Variants in MYO1E observed in about 807,000 individuals in gnomAD.
The protein encoded by MYO1E is unconventional myosin-Ie.
In MYO1E, 68 loss-of-function variants were observed where a neutral mutation model predicts 151.1. That is an observed-to-expected ratio of 0.45 (90% CI 0.37 to 0.55). The LOEUF is 0.55. MYO1E is among the 20% of genes least tolerant of loss of function. The pLI, the probability that MYO1E is intolerant of heterozygous loss-of-function variation, is 0.00. For missense variants in MYO1E, 1,363 were observed against 1,389.3 expected, an observed-to-expected ratio of 0.98 and a Z score of 0.30; for synonymous variants, 601 against 501.7, an observed-to-expected ratio of 1.20 and a Z score of -2.64.
chr15:59,245,137 C>G (rs750321338), intron 4 of MYO1E, among the ~76,000 whole-genome samples: 61 of 152,088 alleles, frequency 4.0e-4, no homozygotes, highest in Non-Finnish European at 6.8e-4. Flanking sequence ...TTGGGTGGAC[C>G]CACAGCAACT....
intron 1 of MYO1E, chr15:59,348,721 T>A (rs1335893691): frequency 6.6e-6 from 1 of 151,770 alleles, no homozygotes; most frequent in Non-Finnish European, 1.5e-5. Flanking sequence ...AACCTCCGGC[T>A]CCCAGGTTCA....
intron 1 of MYO1E, among the ~76,000 whole-genome samples, chr15:59,358,885 C>G (rs574192448): frequency 4.4e-4 from 67 of 152,214 alleles, no homozygotes; most frequent in Non-Finnish European, 7.9e-4. Flanking sequence ...GACTTGTATT[C>G]TAGGGACAAC....
intron 1 of MYO1E, among the ~76,000 whole-genome samples, chr15:59,274,754 A>G (rs1474150049): frequency 6.6e-6 from 1 of 152,170 alleles, no homozygotes; most frequent in African/African-American, 2.4e-5. Context: ...CACTGCACAG[A>G]GACACATTCC....
intron 5 of MYO1E, among the ~76,000 whole-genome samples, chr15:59,234,235 T>TGGATGGAC (rs1263341935): frequency 1.4e-5 from 2 of 141,082 alleles, no homozygotes; most frequent in African/African-American, 5.8e-5. Flanking sequence ...GATGGATGGA[T>TGGATGGAC]GGATGGATGG....
At chr15:59,314,240 T>A (rs1157686265) in intron 1 of MYO1E, among the ~76,000 whole-genome samples, 6 of 152,196 alleles carry the variant, frequency 3.9e-5, no homozygotes, top group African/African-American at 1.4e-4. Context: ...CCCCATCCCC[T>A]GAATATGAAT....
chr15:59,249,825 C>T (rs1255882244), intron 4 of MYO1E, among the ~76,000 whole-genome samples: 1 of 152,188 alleles, frequency 6.6e-6, no homozygotes, highest in Admixed American at 6.5e-5. Flanking sequence ...CCATTCAACT[C>T]GGCCCCTAAC....
At chr15:59,280,510 T>G (rs1412678119) in intron 1 of MYO1E, among the ~76,000 whole-genome samples, 1 of 151,700 alleles carries the variant, frequency 6.6e-6, no homozygotes, top group Non-Finnish European at 1.5e-5. Flanking sequence ...TAATCCCAGC[T>G]ACTCCAGAGG....
Position 59,229,595 on chromosome 15 carries a change from T to G in MYO1E, c.511-2005A>C, listed in dbSNP as rs559203145. Among the ~76,000 whole-genome samples the G allele has an allele frequency of 3.3e-5, 5 of 152,384 alleles. No homozygotes were observed. In the South Asian group the frequency reaches 1.0e-3, roughly 32 times the overall value. On this transcript the variant is annotated intron_variant, in intron 6 of 27. Transcript: ENST00000288235. ...TTTCACCTCGACTCTTGGTAATGAT[T>G]TATTTCCTAAGCTGGGTGCCAGATA... is the stretch of plus-strand genomic sequence containing the variant.
At chr15:59,283,030 TG>T (rs2080366722) in intron 1 of MYO1E, among the ~76,000 whole-genome samples, 1 of 138,176 alleles carries the variant, frequency 7.2e-6, no homozygotes, top group Admixed American at 7.3e-5. Context: ...CTCTCTGAGA[TG>T]CTCAGGGCAT....
rs1324708004 is a variant in MYO1E at position 59,223,063 on chromosome 15, T to C, written c.906A>G (p.Glu302=). The C allele has an allele frequency of 6.2e-7, 1 of 1,614,040 alleles. No individual in the cohort carries two copies. Among genetic ancestry groups the C allele is most frequent in the Admixed American group, 1.7e-5 (1 of 60,016 alleles). Residue 302 remains glutamate (E), a synonymous_variant, in exon 9 of 28, where the codon GAA becomes GAG. Coordinates refer to ENST00000288235, the MANE Select transcript of MYO1E (RefSeq NM_004998.4). ...EVGNYAAVES[E]EFLAFPAYLL... ...CCACATGCCAGGGCTACGCACACTC[T>C]TCACTCTCCACAGCCGCGTAGTTGC...
chr15:59,319,550 C>CTTTTTTTTTTTTTTTTTATTTTTTTTTTT (rs2080611733), intron 1 of MYO1E, among the ~76,000 whole-genome samples: 1 of 63,680 alleles, frequency 1.6e-5, no homozygotes, highest in Non-Finnish European at 3.6e-5. Flanking sequence ...GTCAAACTAC[C>CTTTTTTTTTTTTTTTTTATTTTTTTTTTT]TTTTTTTTTT....
At chr15:59,249,243 G>T (rs545911565) in intron 4 of MYO1E, among the ~76,000 whole-genome samples, 34 of 152,210 alleles carry the variant, frequency 2.2e-4, no homozygotes, top group African/African-American at 8.2e-4. Flanking sequence ...CCAACATGGT[G>T]AAACCCAGTC....
intron 22 of MYO1E, among the ~76,000 whole-genome samples, chr15:59,167,004 T>TCAG (rs2079566722): frequency 6.6e-6 from 1 of 152,180 alleles, no homozygotes; most frequent in South Asian, 2.1e-4. Context: ...ATACCAGGGC[T>TCAG]CAGCACCAGG....
At chr15:59,206,996 C>A (rs756417010) in intron 14 of MYO1E, 6 of 1,614,142 alleles carry the variant, frequency 3.7e-6, no homozygotes, top group South Asian at 1.1e-5. Flanking sequence ...TCGGTGGGAG[C>A]GAATTTCCTA....
intron 26 of MYO1E, among the ~76,000 whole-genome samples, chr15:59,142,936 AAAAAAAG>A: frequency 6.6e-6 from 1 of 151,996 alleles, no homozygotes; most frequent in East Asian, 1.9e-4. Context: ...AAAAAAAAAA[AAAAAAAG>A]GCGTCTAGAT....
intron 1 of MYO1E, among the ~76,000 whole-genome samples, chr15:59,327,239 C>G (rs1048515577): frequency 6.6e-6 from 1 of 152,266 alleles, no homozygotes; most frequent in African/African-American, 2.4e-5. Context: ...CCAGTGCAGC[C>G]GTGGCTCACC....
At chr15:59,283,085 A>AG (rs1329894235) in intron 1 of MYO1E, among the ~76,000 whole-genome samples, 2 of 150,176 alleles carry the variant, frequency 1.3e-5, no homozygotes, top group East Asian at 2.0e-4. Flanking sequence ...CCCTCATCCC[A>AG]GGGAGACGGG....
At chr15:59,232,323 T>C (rs1308464007) in intron 5 of MYO1E, among the ~76,000 whole-genome samples, 2 of 152,234 alleles carry the variant, frequency 1.3e-5, no homozygotes, top group African/African-American at 4.8e-5. Flanking sequence ...CCTGGGGATC[T>C]TGTCAAAATG....
rs1031916012 is a variant in MYO1E at position 59,270,101 on chromosome 15, C to A, written c.147+2205G>T. On this transcript the variant is annotated intron_variant, in intron 2 of 27. Coordinates refer to ENST00000288235, the MANE Select transcript of MYO1E (RefSeq NM_004998.4). ...TTGTCTGTCAGCCATAGGTCACCAC[C>A]CTGATCCAGAAGTTATATAAGTAAA... Among the ~76,000 whole-genome samples, 17 of 152,168 alleles carry A rather than the reference C, an allele frequency of 1.1e-4. No homozygotes were observed. The South Asian group carries it at 1.5e-3, about 13-fold the overall frequency.
Sources: gnomAD v4.1 joint callset for allele counts (sites outside exome capture counted in the v4.1 genomes callset) on GRCh38, gnomAD v4.1.1 for gene constraint, MANE v1.5 for transcripts, NCBI Gene and HGNC (gene_info 2026-07-23, HGNC 2026-07-21) for gene names.